GNG7: variants seen among roughly 807,000 people sequenced by gnomAD.
GNG7 encodes guanine nucleotide-binding protein G(I)/G(S)/G(O) subunit gamma-7.
Under a neutral mutation model 4.0 loss-of-function variants are expected in GNG7, and 1 was observed. The ratio of observed to expected loss-of-function variants is 0.25; its 90% CI spans 0.09 to 1.18. The LOEUF (loss-of-function observed/expected upper bound fraction) is 1.18. Among genes scored for constraint, GNG7 ranks in the 50% most tolerant of loss-of-function variants. The probability of loss-of-function intolerance (pLI) is 0.50; values close to 1 mark genes in which losing one functional copy is unlikely to be tolerated. For synonymous variants in GNG7, 34 were observed against 36.9 expected, an observed-to-expected ratio of 0.92 and a Z score of 0.29; for missense variants, 86 against 91.9, an observed-to-expected ratio of 0.94 and a Z score of 0.26.
At chr19:2,556,582 T>C (rs892124153) in intron 2 of GNG7, among the ~76,000 whole-genome samples, 1 of 151,970 alleles carries the variant, frequency 6.6e-6, no homozygotes, top group Non-Finnish European at 1.5e-5. Context: ...CACGACACTT[T>C]CTCAGCAGCC....
In GNG7 at chr19:2,514,682, A is replaced by G. The variant is rs574001596; in HGVS notation, c.*340T>C. On this transcript the variant is annotated 3_prime_UTR_variant, in exon 5 of 5. Coordinates refer to ENST00000382159, the MANE Select transcript of GNG7 (RefSeq NM_052847.3). ...CGGTCCACAATTGAAACGGCAATCG[A>G]GAGTTTTAAAAAATTGTTACCCCAT... 252 of 183,114 alleles carry G rather than the reference A, an allele frequency of 1.4e-3. No individual in the cohort carries two copies. Among genetic ancestry groups the G allele is most frequent in the African/African-American group, 5.8e-3 (246 of 42,402 alleles). 11.3% of individuals were successfully genotyped at this position (183,114 alleles called of 1,614,324 possible).
chr19:2,601,686 G>C (rs1201893234), intron 2 of GNG7, among the ~76,000 whole-genome samples: 2 of 152,068 alleles, frequency 1.3e-5, no homozygotes, highest in East Asian at 1.9e-4. Flanking sequence ...GGCCGGGGCA[G>C]GAGGATCCCT....
At chr19:2,552,290 G>C (rs765492897) in intron 3 of GNG7, among the ~76,000 whole-genome samples, 1 of 152,068 alleles carries the variant, frequency 6.6e-6, no homozygotes, top group Non-Finnish European at 1.5e-5. Context: ...GCAACAGAGA[G>C]AGACTCTGTC....
At chr19:2,530,184 G>A (rs563745590) in intron 3 of GNG7, among the ~76,000 whole-genome samples, 301 of 152,302 alleles carry the variant, frequency 2.0e-3, no homozygotes, top group African/African-American at 6.7e-3. Context: ...AGGTCGAGGC[G>A]GGAGGATCAC....
At chr19:2,686,190 C>T (rs957879530) in intron 1 of GNG7, among the ~76,000 whole-genome samples, 19 of 151,144 alleles carry the variant, frequency 1.3e-4, no homozygotes, top group Admixed American at 6.6e-4. Context: ...CAGAGTCTCA[C>T]GCTGTCGCCC....
intron 3 of GNG7, among the ~76,000 whole-genome samples, chr19:2,533,808 A>C (rs770292501): frequency 6.6e-6 from 1 of 152,194 alleles, no homozygotes; most frequent in South Asian, 2.1e-4. Context: ...AACAACAAAA[A>C]TGTTGTAGAG....
At chr19:2,655,528 C>T (rs1043333699) in intron 1 of GNG7, among the ~76,000 whole-genome samples, 1 of 151,440 alleles carries the variant, frequency 6.6e-6, no homozygotes. Flanking sequence ...CATGGTGAAA[C>T]TCTGTCTCTA....
intron 3 of GNG7, among the ~76,000 whole-genome samples, chr19:2,530,576 T>G (rs1011452311): frequency 1.3e-5 from 2 of 150,564 alleles, no homozygotes; most frequent in African/African-American, 4.9e-5. Flanking sequence ...AAAAATTAGC[T>G]GGACGTGGTG....
intron 2 of GNG7, chr19:2,594,896 T>C (rs1031070611): frequency 2.0e-5 from 3 of 151,982 alleles, no homozygotes; most frequent in East Asian, 1.9e-4. Flanking sequence ...GGCGAGCTGA[T>C]TGCTTCAGGA....
Position 2,571,661 on chromosome 19 carries a change from T to TCTCGG in GNG7, c.-77-16478_-77-16474dup, listed in dbSNP as rs147248908. 4.7e-3 allele frequency among the ~76,000 whole-genome samples: 654 copies of TCTCGG among 137,694 alleles called. 3 individuals carry two copies. Among genetic ancestry groups the TCTCGG allele is most frequent in the African/African-American group, 0.017 (630 of 36,524 alleles). The allele number at this position is 137,694 out of a possible 152,430, so 90.3% of individuals were successfully genotyped here. ...CCCAGGCTAGAGTGCAGAGGTGCGG[T>TCTCGG]CTCGGCTCACTGCAACCTCTGCCTC... On this transcript the variant is annotated intron_variant, in intron 2 of 4. Coordinates refer to ENST00000382159, the MANE Select transcript of GNG7 (RefSeq NM_052847.3).
At chr19:2,556,079 C>A (rs888035071) in intron 2 of GNG7, among the ~76,000 whole-genome samples, 1 of 152,232 alleles carries the variant, frequency 6.6e-6, no homozygotes, top group African/African-American at 2.4e-5. Context: ...ACAAGGAGGC[C>A]CGAGGCAGGC....
At chr19:2,519,157 T>C (rs1249644947) in intron 4 of GNG7, among the ~76,000 whole-genome samples, 1 of 140,568 alleles carries the variant, frequency 7.1e-6, no homozygotes, top group Non-Finnish European at 1.6e-5. Context: ...TTTTTTTTTT[T>C]TTTTTTTTTT....
At chr19:2,601,160 T>C (rs1224423626) in intron 2 of GNG7, among the ~76,000 whole-genome samples, 1 of 152,138 alleles carries the variant, frequency 6.6e-6, no homozygotes, top group Non-Finnish European at 1.5e-5. Flanking sequence ...AAACAAATTA[T>C]TACTTATGTA....
intron 2 of GNG7, among the ~76,000 whole-genome samples, chr19:2,594,841 G>A (rs1980965607): frequency 1.3e-5 from 2 of 152,032 alleles, no homozygotes; most frequent in African/African-American, 2.4e-5. Context: ...TTAATGGCCC[G>A]GCGTGGTGGC....
chr19:2,683,615 T>C (rs1420816149), intron 1 of GNG7: 1 of 152,182 alleles, frequency 6.6e-6, no homozygotes, highest in Non-Finnish European at 1.5e-5. Context: ...CTTCAAGGTG[T>C]CACTGAAGCA....
chr19:2,657,193 G>T (rs1240216538), intron 1 of GNG7, among the ~76,000 whole-genome samples: 1 of 150,536 alleles, frequency 6.6e-6, no homozygotes, highest in African/African-American at 2.5e-5. Flanking sequence ...AATTAGTTGG[G>T]TCTGGTGGTG....
At chr19:2,568,393 CAA>C (rs749407255) in intron 2 of GNG7, among the ~76,000 whole-genome samples, 227 of 115,414 alleles carry the variant, frequency 2.0e-3, no homozygotes, top group African/African-American at 5.4e-3. Context: ...ATATACAACA[CAA>C]ACACACACAC....
chr19:2,597,419 A>C (rs1047226055), intron 2 of GNG7, among the ~76,000 whole-genome samples: 1 of 152,120 alleles, frequency 6.6e-6, no homozygotes, highest in African/African-American at 2.4e-5. Context: ...CAACATGGTG[A>C]AACCCCGTGT....
At chr19:2,527,618 T>C (rs941958941) in intron 3 of GNG7, among the ~76,000 whole-genome samples, 8 of 122,432 alleles carry the variant, frequency 6.5e-5, no homozygotes, top group South Asian at 2.6e-4. Flanking sequence ...CCGAAGTTCC[T>C]AAAATCCTAA....
Sources: gnomAD v4.1 joint callset for allele counts (sites outside exome capture counted in the v4.1 genomes callset) on GRCh38, gnomAD v4.1.1 for gene constraint, MANE v1.5 for transcripts, NCBI Gene and HGNC (gene_info 2026-07-23, HGNC 2026-07-21) for gene names.